IZUMO2: variants seen among roughly 807,000 people sequenced by gnomAD.
IZUMO2 encodes izumo sperm-egg fusion protein 2.
IZUMO2 carries 24 observed loss-of-function variants against 31.2 expected under a neutral mutation model. That is an observed-to-expected ratio of 0.77 (90% confidence interval 0.56 to 1.08). The LOEUF is 1.08. Among genes scored for constraint, IZUMO2 ranks in the 50% least tolerant of loss-of-function variants. IZUMO2 has a pLI of 0.00. For synonymous variants in IZUMO2, 144 were observed against 117.3 expected (o/e 1.23, Z -1.47); for missense variants, 278 against 274.0 (o/e 1.01, Z -0.10).
chr19:50,155,242 G>GA (rs938466700), intron 5 of IZUMO2, among the ~76,000 whole-genome samples: 16 of 152,026 alleles, frequency 1.1e-4, no homozygotes, highest in Non-Finnish European at 1.6e-4. Context: ...CTACAAAAAA[G>GA]AAAAAATTAG....
chr19:50,159,531 C>G lies in IZUMO2; in HGVS notation c.357G>C (p.Lys119Asn). ...ELVTLRANVI[K>N]EFKKVLISYE... ...ATGAAATTAAAACTTTCTTGAATTC[C>G]TTGATCACATTCGCCCTGAGGGTCA... Residue 119 changes from lysine (K) to asparagine (N), a missense_variant, in exon 3 of 7, where the codon AAG becomes AAC. By Grantham distance (94) the Lys-to-Asn change is moderately conservative. Transcript: ENST00000293405. 6.2e-7 allele frequency: 1 copy of G among 1,613,284 alleles called. No homozygotes were observed. The highest frequency in any genetic ancestry group is 1.1e-5 in the South Asian group (1 of 91,020).
At chr19:50,154,127 A>G (rs1348451780) in intron 6 of IZUMO2, among the ~76,000 whole-genome samples, 1 of 151,526 alleles carries the variant, frequency 6.6e-6, no homozygotes, top group Non-Finnish European at 1.5e-5. Flanking sequence ...AAATGTTTTC[A>G]CTGTAGTATC....
chr19:50,159,566 C>T lies in IZUMO2; in HGVS notation c.322G>A (p.Glu108Lys). 1 of 1,612,478 alleles carries T rather than the reference C, an allele frequency of 6.2e-7. No individual in the cohort carries two copies. The highest frequency in any genetic ancestry group is 8.5e-7 in the Non-Finnish European group (1 of 1,178,608). Residue 108 changes from glutamate (E) to lysine (K), a missense_variant, in exon 3 of 7, where the codon GAA (glutamate) becomes AAA (lysine). Physicochemically the swap from Glu to Lys is moderately conservative, Grantham distance 56. Transcript: ENST00000293405. ...TTCGCCCTGAGGGTCACCAGCTCTT[C>T]CAGCAGAGGCTCATCTGAGGAGAGA... Reference protein sequence around the residue: ...GNSLKDEPLLEELVTLRANVI... With the variant: ...GNSLKDEPLLKELVTLRANVI...
chr19:50,162,875 C>T, intron 1 of IZUMO2, 62 bp from the exon 2 acceptor site: 1 of 1,602,440 alleles, frequency 6.2e-7, no homozygotes, highest in Non-Finnish European at 8.5e-7. Context: ...GACCTCACCC[C>T]CTCCAGGCCT....
chr19:50,161,211 G>A (rs867682270), intron 2 of IZUMO2, among the ~76,000 whole-genome samples: 1 of 148,692 alleles, frequency 6.7e-6, no homozygotes, highest in East Asian at 2.0e-4. Context: ...CGCAACCTCC[G>A]CCTCCTGGGT....
chr19:50,160,014 A>AT (rs1308165625), intron 2 of IZUMO2: 1 of 153,250 alleles, frequency 6.5e-6, no homozygotes. Context: ...CACCTGGCTA[A>AT]TTTTTTGTAT....
At position 50,155,140 on chromosome 19, in the gene IZUMO2, T is replaced by C. The variant is rs114255041; in HGVS notation, c.497-414A>G. 5.1e-3 allele frequency among the ~76,000 whole-genome samples: 775 copies of C among 152,212 alleles called. 6 individuals carry two copies. Among genetic ancestry groups the C allele is most frequent in the African/African-American group, 0.018 (735 of 41,540 alleles). Reference sequence around the variant, plus strand: ...ATACAATGGTCAGGCATGGTGAGCTTGCGCCTATAATCCCAGTACTTTGGG... The same window carrying C: ...ATACAATGGTCAGGCATGGTGAGCTCGCGCCTATAATCCCAGTACTTTGGG... On this transcript the variant is annotated intron_variant, in intron 5 of 6. Coordinates refer to ENST00000293405, the MANE Select transcript of IZUMO2 (RefSeq NM_152358.3).
rs770948848 is a variant in IZUMO2, at chr19:50,162,818, G to A, written c.233-5C>T. 1.9e-6 allele frequency: 3 copies of A among 1,613,232 alleles called. No homozygotes were observed. In the East Asian group the frequency reaches 6.7e-5, roughly 36 times the overall value. On this transcript the variant is annotated splice_region_variant and splice_polypyrimidine_tract_variant and intron_variant, in intron 1 of 6. Coordinates refer to ENST00000293405, the MANE Select transcript of IZUMO2 (RefSeq NM_152358.3). Reference sequence around the variant, plus strand: ...CAAGGTCCAGTTGATTTGTCTCTGGGGGGAGAAGGGAGAGGACACTCCAGT... The same window carrying A: ...CAAGGTCCAGTTGATTTGTCTCTGGAGGGAGAAGGGAGAGGACACTCCAGT...
intron 2 of IZUMO2, among the ~76,000 whole-genome samples, chr19:50,162,033 A>G (rs1351937705): frequency 2.0e-5 from 3 of 152,226 alleles, no homozygotes; most frequent in East Asian, 3.8e-4. Context: ...CTATAATCCC[A>G]GCACTTTGGG....
chr19:50,154,011 G>A (rs556736229), intron 6 of IZUMO2, among the ~76,000 whole-genome samples: 1 of 145,952 alleles, frequency 6.9e-6, no homozygotes, highest in Non-Finnish European at 1.5e-5. Flanking sequence ...AAGGGGCTGG[G>A]GGGGAGGGGG....
chr19:50,153,119 G>A (rs1320913795), intron 6 of IZUMO2, among the ~76,000 whole-genome samples: 5 of 152,126 alleles, frequency 3.3e-5, no homozygotes. Context: ...CTAAAGACAG[G>A]TGTCCTTAGA....
chr19:50,163,189 A>G lies in IZUMO2; in HGVS notation c.6T>C (p.Pro2=). The G allele has an allele frequency of 1.9e-6, 3 of 1,548,242 alleles. No homozygotes were observed. The highest frequency in any genetic ancestry group is 2.6e-6 in the Non-Finnish European group (3 of 1,146,696). Reference sequence around the variant, plus strand: ...AGAGCAGCAGAAGGGTCAAAGCCAGAGGCATGGCGGGGCCTTTGTGACGTC... The same window carrying G: ...AGAGCAGCAGAAGGGTCAAAGCCAGGGGCATGGCGGGGCCTTTGTGACGTC... The part of the protein sequence containing the change: M[P]LALTLLLLSG... Residue 2 remains proline (P), a synonymous_variant, in exon 1 of 7, where the codon CCT becomes CCC. Coordinates refer to ENST00000293405, the MANE Select transcript of IZUMO2 (RefSeq NM_152358.3).
At position 50,154,264 on chromosome 19, in the gene IZUMO2, G is replaced by GTTTTTTTGTTTTTTTTTTTTT. The variant is rs2030129784; in HGVS notation, c.623+335_623+336insAAAAAAAAAAAAACAAAAAAA. On this transcript the variant is annotated intron_variant, in intron 6 of 6. Coordinates refer to ENST00000293405, the MANE Select transcript of IZUMO2 (RefSeq NM_152358.3). ...GCATCCACCAAATATAACTTTTAGC[G>GTTTTTTTGTTTTTTTTTTTTT]TTTTTTTTTTTTTTTTTTTTTTTTT... Among the ~76,000 whole-genome samples the GTTTTTTTGTTTTTTTTTTTTT allele has an allele frequency of 2.5e-5, 2 of 79,280 alleles. 1 individual carries two copies. Among genetic ancestry groups the GTTTTTTTGTTTTTTTTTTTTT allele is most frequent in the African/African-American group, 9.3e-5 (2 of 21,566 alleles). 52.0% of individuals were successfully genotyped at this position (79,280 alleles called of 152,430 possible).
At chr19:50,162,584 C>T (rs1466319756) in intron 2 of IZUMO2, among the ~76,000 whole-genome samples, 155 bp downstream of exon 2, 2 of 151,860 alleles carry the variant, frequency 1.3e-5, no homozygotes, top group Non-Finnish European at 2.9e-5. Context: ...TACTGCACTC[C>T]AGCCGGAGCG....
chr19:50,154,264 G>GTTTTTT (rs71180675), intron 6 of IZUMO2, among the ~76,000 whole-genome samples: 3 of 79,280 alleles, frequency 3.8e-5, no homozygotes, highest in Non-Finnish European at 2.5e-5. Flanking sequence ...AACTTTTAGC[G>GTTTTTT]TTTTTTTTTT....
chr19:50,159,288 T>A, intron 3 of IZUMO2, 38 bp from the exon 4 acceptor site: 1 of 1,605,248 alleles, frequency 6.2e-7, no homozygotes, highest in Middle Eastern at 1.7e-4. Flanking sequence ...TAAATTGGGA[T>A]GGCAACTTGA....
intron 5 of IZUMO2, among the ~76,000 whole-genome samples, chr19:50,157,365 C>T (rs199701800): frequency 6.8e-6 from 1 of 147,590 alleles, no homozygotes; most frequent in South Asian, 2.2e-4. Context: ...TGCAATGGTG[C>T]GATCTTGGCT....
chr19:50,153,949 C>G (rs919127076), intron 6 of IZUMO2: 2 of 131,634 alleles, frequency 1.5e-5, no homozygotes, highest in African/African-American at 5.7e-5. Flanking sequence ...TTGGAGGAGG[C>G]AGAGAGAGAG....
chr19:50,160,057 C>T (rs939184278), intron 2 of IZUMO2: 2 of 153,486 alleles, frequency 1.3e-5, no homozygotes, highest in African/African-American at 4.8e-5. Context: ...CCATGTTGGC[C>T]AGGCTGGTTT....
Sources: gnomAD v4.1 joint callset for allele counts (sites outside exome capture counted in the v4.1 genomes callset) on GRCh38, gnomAD v4.1.1 for gene constraint, MANE v1.5 for transcripts, NCBI Gene and HGNC (gene_info 2026-07-23, HGNC 2026-07-21) for gene names.